The following UBE2E2 variants were observed in gnomAD, a reference collection of about 807,000 sequenced individuals.
The protein encoded by UBE2E2 is ubiquitin-conjugating enzyme E2 E2.
Under a neutral mutation model 24.7 loss-of-function variants are expected in UBE2E2, and 6 were observed. The ratio of observed to expected loss-of-function variants is 0.24; its 90% confidence interval spans 0.13 to 0.48. UBE2E2 has a LOEUF of 0.48. UBE2E2 is among the 20% of genes least tolerant of loss of function. UBE2E2 has a pLI of 0.99. For missense variants in UBE2E2, 169 were observed against 245.0 expected, an observed-to-expected ratio of 0.69 and a Z score of 2.07; for synonymous variants, 104 against 83.6, an observed-to-expected ratio of 1.24 and a Z score of -1.33.
chr3:23,422,471 G>A (rs1460428134), intron 3 of UBE2E2, among the ~76,000 whole-genome samples: 4 of 152,186 alleles, frequency 2.6e-5, no homozygotes, highest in Non-Finnish European at 5.9e-5. Flanking sequence ...AAGATTCCAT[G>A]TTTCTTTATG....
At chr3:23,420,630 A>C (rs1233536636) in intron 3 of UBE2E2, among the ~76,000 whole-genome samples, 1 of 152,246 alleles carries the variant, frequency 6.6e-6, no homozygotes, top group Non-Finnish European at 1.5e-5. Flanking sequence ...TTCTAAGACA[A>C]GGCTTTGATT....
At chr3:23,403,468 G>GCATATT (rs1697279004) in intron 3 of UBE2E2, among the ~76,000 whole-genome samples, 1 of 152,188 alleles carries the variant, frequency 6.6e-6, no homozygotes, top group East Asian at 1.9e-4. Context: ...TAATGCTGCA[G>GCATATT]CCACATAACA....
rs1311165521 is a variant in UBE2E2 at position 23,560,969 on chromosome 3, A to C, written c.508+28268A>C. ...GTTCTTTGTAGATTCTGGATATTAG[A>C]CCTTTGTCAGATGGGTAGATTACAA... is the stretch of plus-strand genomic sequence containing the variant. On this transcript the variant is annotated intron_variant, in intron 5 of 5. Coordinates refer to ENST00000396703, the MANE Select transcript of UBE2E2 (RefSeq NM_152653.4). Among the ~76,000 whole-genome samples the C allele has an allele frequency of 4.0e-5, 6 of 151,872 alleles. No individual in the cohort carries two copies. The East Asian group carries it at 7.7e-4, about 20-fold the overall frequency.
At chr3:23,384,070 A>C (rs1696745981) in intron 3 of UBE2E2, among the ~76,000 whole-genome samples, 1 of 152,148 alleles carries the variant, frequency 6.6e-6, no homozygotes, top group African/African-American at 2.4e-5. Flanking sequence ...ACCATAGCTC[A>C]CTGTAACCTT....
At chr3:23,584,594 G>A (rs147417549) in intron 5 of UBE2E2, among the ~76,000 whole-genome samples, 88 of 149,984 alleles carry the variant, frequency 5.9e-4, no homozygotes, top group African/African-American at 1.7e-3. Flanking sequence ...TCGCTCTTTC[G>A]CCCAGCTGGA....
intron 2 of UBE2E2, among the ~76,000 whole-genome samples, chr3:23,212,957 A>G (rs1696370498): frequency 6.6e-6 from 1 of 152,096 alleles, no homozygotes; most frequent in South Asian, 2.1e-4. Flanking sequence ...GATTGCTTTG[A>G]CATTTAAAAA....
At chr3:23,385,735 C>T (rs1284057427) in intron 3 of UBE2E2, among the ~76,000 whole-genome samples, 2 of 152,148 alleles carry the variant, frequency 1.3e-5, no homozygotes, top group East Asian at 1.9e-4. Context: ...AGACAAAAGT[C>T]GTAGTAATTT....
intron 3 of UBE2E2, among the ~76,000 whole-genome samples, chr3:23,424,849 AC>A (rs1295402015): frequency 6.6e-6 from 1 of 152,194 alleles, no homozygotes; most frequent in Non-Finnish European, 1.5e-5. Flanking sequence ...TGGCAGAGGT[AC>A]TAAGCCAAAT....
intron 3 of UBE2E2, among the ~76,000 whole-genome samples, chr3:23,289,859 G>A (rs9854148): frequency 0.3 from 46,263 of 152,020 alleles, 7,969 homozygotes; most frequent in Admixed American, 0.49. Flanking sequence ...AATTTCTACC[G>A]TAGGAACAGA....
chr3:23,436,419 G>C (rs181431787), intron 3 of UBE2E2, among the ~76,000 whole-genome samples: 4 of 152,196 alleles, frequency 2.6e-5, no homozygotes, highest in Admixed American at 2.6e-4. Context: ...TCTTAGTCCT[G>C]CGTTCTTCAG....
intron 3 of UBE2E2, among the ~76,000 whole-genome samples, chr3:23,296,313 T>G (rs1698906533): frequency 6.6e-6 from 1 of 152,186 alleles, no homozygotes; most frequent in Admixed American, 6.5e-5. Context: ...TTTCTTTTTT[T>G]TAAATTTTAT....
At chr3:23,569,717 T>C (rs1696179451) in intron 5 of UBE2E2, among the ~76,000 whole-genome samples, 1 of 152,202 alleles carries the variant, frequency 6.6e-6, no homozygotes, top group South Asian at 2.1e-4. Flanking sequence ...TCAGTAGGAA[T>C]ACACCATCTG....
Position 23,589,135 on chromosome 3 carries a change from T to G in UBE2E2, c.509-599T>G, listed in dbSNP as rs1327259486. 6.6e-6 allele frequency among the ~76,000 whole-genome samples: 1 copy of G among 152,042 alleles called. No individual in the cohort carries two copies. Among genetic ancestry groups the G allele is most frequent in the African/African-American group, 2.4e-5 (1 of 41,408 alleles). ...TGCATTTTCTCCGTGAAATATCTAC[T>G]TGAAGACAGGCATCTCACACCTGTA... On this transcript the variant is annotated intron_variant, in intron 5 of 5. Coordinates refer to ENST00000396703, the MANE Select transcript of UBE2E2 (RefSeq NM_152653.4). The surrounding 1 kb of genome is among the most constrained non-coding windows in gnomAD (Gnocchi z 4.1).
intron 3 of UBE2E2, among the ~76,000 whole-genome samples, chr3:23,372,498 C>G (rs1696423045): frequency 6.6e-6 from 1 of 152,160 alleles, no homozygotes; most frequent in African/African-American, 2.4e-5. Flanking sequence ...CTCAATTTAA[C>G]CTTGCTATTT....
At chr3:23,445,622 C>T (rs1698410766) in intron 3 of UBE2E2, among the ~76,000 whole-genome samples, 1 of 152,180 alleles carries the variant, frequency 6.6e-6, no homozygotes, top group Admixed American at 6.5e-5. Flanking sequence ...TCCTTTTTGC[C>T]TTGACAGTTG....
At chr3:23,370,865 T>G (rs1696382471) in intron 3 of UBE2E2, among the ~76,000 whole-genome samples, 1 of 152,170 alleles carries the variant, frequency 6.6e-6, no homozygotes, top group Non-Finnish European at 1.5e-5. Flanking sequence ...GAGTGTAGCT[T>G]TCTTCTGAAA....
chr3:23,259,117 A>G (rs1697828760), intron 3 of UBE2E2, among the ~76,000 whole-genome samples: 1 of 152,146 alleles, frequency 6.6e-6, no homozygotes, highest in Non-Finnish European at 1.5e-5. Context: ...ACTTTAGGGT[A>G]TGGAAAAGTG....
chr3:23,576,437 T>A (rs977497475), intron 5 of UBE2E2, among the ~76,000 whole-genome samples: 1 of 152,150 alleles, frequency 6.6e-6, no homozygotes, highest in Non-Finnish European at 1.5e-5. Flanking sequence ...ACATAATTTT[T>A]AAATTATGTT....
chr3:23,244,826 T>C (rs1697350622), intron 3 of UBE2E2, among the ~76,000 whole-genome samples: 1 of 152,298 alleles, frequency 6.6e-6, no homozygotes, highest in African/African-American at 2.4e-5. Context: ...TGAGCTCTTT[T>C]ATACAAATGA....
Sources: allele counts gnomAD v4.1 joint callset (sites outside exome capture counted in the v4.1 genomes callset), GRCh38; gene constraint gnomAD v4.1.1; non-coding constraint Gnocchi (gnomAD v3.1); transcripts MANE v1.5; gene names NCBI Gene and HGNC (gene_info 2026-07-23, HGNC 2026-07-21).